The following LTBP2 variants were observed in gnomAD, a reference collection of about 807,000 sequenced individuals.
LTBP2 encodes the protein latent transforming growth factor beta binding protein 2.
Under a neutral mutation model 210.6 loss-of-function variants are expected in LTBP2, and 103 were observed. The ratio of observed to expected loss-of-function variants is 0.49; its 90% CI spans 0.42 to 0.58. The LOEUF (loss-of-function observed/expected upper bound fraction) is 0.58. Ranked by LOEUF, LTBP2 falls within the 20% of genes least tolerant of loss-of-function variation. The pLI is 0.00. For missense variants in LTBP2, 2,313 were observed against 2,494.5 expected (o/e 0.93, Z 1.55); for synonymous variants, 1,007 against 1,015.0 (o/e 0.99, Z 0.15).
At chr14:74,555,433 G>A in intron 4 of LTBP2, 70 bp downstream of exon 4, 3 of 1,537,430 alleles carry the variant, frequency 2.0e-6, no homozygotes, top group Non-Finnish European at 2.7e-6. Flanking sequence ...GAGCAGAGGG[G>A]GAAGCCAAGG....
At chr14:74,588,807 A>G (rs888332129) in intron 2 of LTBP2, among the ~76,000 whole-genome samples, 1 of 152,186 alleles carries the variant, frequency 6.6e-6, no homozygotes, top group Non-Finnish European at 1.5e-5. Flanking sequence ...GCTGAAGCTC[A>G]GAGAGGTTAA....
At position 74,586,847 on chromosome 14, in the gene LTBP2, G is replaced by A. The variant is rs950378279; in HGVS notation, c.566-729C>T. ...GCACGGTGGCCAGAATATAGCTGCCGGCACCACAGCCGCTGCCGGCCAGGT... is the reference window on the plus strand; with the variant it reads ...GCACGGTGGCCAGAATATAGCTGCCAGCACCACAGCCGCTGCCGGCCAGGT... On this transcript the variant is annotated intron_variant, in intron 2 of 35. Coordinates refer to ENST00000261978, the MANE Select transcript of LTBP2 (RefSeq NM_000428.3). This position sits in a 1 kb window ranked among gnomAD's most constrained non-coding sequence, Gnocchi z 4.6. Among the ~76,000 whole-genome samples the A allele has an allele frequency of 6.6e-6, 1 of 152,148 alleles. No homozygotes were observed. Among genetic ancestry groups the A allele is most frequent in the African/African-American group, 2.4e-5 (1 of 41,434 alleles).
chr14:74,503,868 G>C, intron 31 of LTBP2, 58 bp downstream of exon 31: 4 of 1,608,042 alleles, frequency 2.5e-6, no homozygotes, highest in Non-Finnish European at 3.4e-6. Flanking sequence ...CAGGGGCTGG[G>C]TGGGCCATTA....
chr14:74,520,573 C>T (rs555093716), intron 17 of LTBP2, among the ~76,000 whole-genome samples: 18 of 152,198 alleles, frequency 1.2e-4, no homozygotes, highest in African/African-American at 3.9e-4. Context: ...GAGGCCGAGG[C>T]GGGTGGATCA....
intron 14 of LTBP2, among the ~76,000 whole-genome samples, chr14:74,525,618 T>C (rs1226441561): frequency 1.3e-5 from 2 of 152,240 alleles, no homozygotes; most frequent in African/African-American, 2.4e-5. Context: ...CTTATTTGCT[T>C]TGAGAGTCTG....
intron 3 of LTBP2, among the ~76,000 whole-genome samples, chr14:74,578,492 C>T (rs2088091183): frequency 6.6e-6 from 1 of 152,142 alleles, no homozygotes; most frequent in South Asian, 2.1e-4. Flanking sequence ...CCCCCTGCCC[C>T]GGGCTCCCCT....
At chr14:74,528,093 C>A (rs548588909) in intron 12 of LTBP2, among the ~76,000 whole-genome samples, 1 of 152,322 alleles carries the variant, frequency 6.6e-6, no homozygotes, top group South Asian at 2.1e-4. Context: ...GACTCCAAGG[C>A]CGGGCCAGGG....
chr14:74,576,583 G>A (rs1452930854), intron 3 of LTBP2, among the ~76,000 whole-genome samples: 1 of 151,940 alleles, frequency 6.6e-6, no homozygotes, highest in Non-Finnish European at 1.5e-5. Context: ...TCCTTCTAGG[G>A]AAGAAGCCAG....
At chr14:74,561,478 CTT>C (rs1457700527) in intron 3 of LTBP2, among the ~76,000 whole-genome samples, 1 of 152,046 alleles carries the variant, frequency 6.6e-6, no homozygotes, top group East Asian at 1.9e-4. Context: ...TTAAGAAAAG[CTT>C]TTCTCTCTCT....
chr14:74,500,545 A>T lies in LTBP2; in HGVS notation c.*339T>A. ...GCTGGAAAGGGGTGTCTGCAGTGTGAGGCCATGGGGCCTTGCATGCTCGCA... is the reference window on the plus strand; with the variant it reads ...GCTGGAAAGGGGTGTCTGCAGTGTGTGGCCATGGGGCCTTGCATGCTCGCA... On this transcript the variant is annotated 3_prime_UTR_variant, in exon 36 of 36. Coordinates refer to ENST00000261978, the MANE Select transcript of LTBP2 (RefSeq NM_000428.3). The T allele has an allele frequency of 2.1e-6, 1 of 467,802 alleles. No homozygotes were observed. 29.0% of individuals were successfully genotyped at this position (467,802 alleles called of 1,614,324 possible). A position where few individuals can be genotyped will look rare whatever the true frequency, so the allele number is the denominator to read the frequency against.
At position 74,564,344 on chromosome 14, in the gene LTBP2, TTTATATATATTTATA is replaced by T. The variant is rs1168871844; in HGVS notation, c.831-8666_831-8652del. ...TTATATATATATTTATATATATATA[TTTATATATATTTATA>T]TATATATTTATATATATATATTTAT... On this transcript the variant is annotated intron_variant, in intron 3 of 35. Transcript: ENST00000261978. Among the ~76,000 whole-genome samples the T allele has an allele frequency of 1.3e-3, 12 of 9,192 alleles. 2 individuals carry two copies. The highest frequency in any genetic ancestry group is 8.2e-3 in the East Asian group (3 of 368). The allele number at this position is 9,192 out of a possible 152,430, so 6.0% of individuals were successfully genotyped here. A position where few individuals can be genotyped will look rare whatever the true frequency, so the allele number is the denominator to read the frequency against.
intron 3 of LTBP2, among the ~76,000 whole-genome samples, chr14:74,559,297 C>G (rs917426961): frequency 6.6e-6 from 1 of 152,132 alleles, no homozygotes; most frequent in Non-Finnish European, 1.5e-5. Flanking sequence ...TTTTAACAAC[C>G]GGAGTCCTCT....
rs200116784 is a variant in LTBP2 at position 74,508,618 on chromosome 14, C to G, written c.3638G>C (p.Gly1213Ala). ...TGGCTTCTCACCCTGGCAGCTGGTG[C>G]CCCCCTCTGCGCTGACGAAGCCAGG... is the stretch of plus-strand genomic sequence containing the variant. ...CAPGFVSAEGGTSCQDVDECA... is the reference protein window; with the variant it reads ...CAPGFVSAEGATSCQDVDECA... The change falls in exon 24 of 36, where the codon GGC becomes GCC. Residue 1213 changes from glycine (G) to alanine (A), a missense_variant. Transcript: ENST00000261978. 1 of 1,608,508 alleles carries G rather than the reference C, an allele frequency of 6.2e-7. No homozygotes were observed. Among genetic ancestry groups the G allele is most frequent in the Non-Finnish European group, 8.5e-7 (1 of 1,179,760 alleles).
intron 4 of LTBP2, among the ~76,000 whole-genome samples, chr14:74,553,344 T>C (rs2087685830): frequency 6.6e-6 from 1 of 152,178 alleles, no homozygotes; most frequent in Non-Finnish European, 1.5e-5. Context: ...TAGGTTCCTA[T>C]GGCTGAGTGT....
chr14:74,601,724 C>A (rs77283766), intron 2 of LTBP2, among the ~76,000 whole-genome samples: 4 of 152,198 alleles, frequency 2.6e-5, no homozygotes, highest in Admixed American at 2.6e-4. Context: ...CATCGCATCC[C>A]ATCAAGTGGG....
At chr14:74,550,872 C>G (rs892972504) in intron 7 of LTBP2, among the ~76,000 whole-genome samples, 192 bp downstream of exon 7, 3 of 152,222 alleles carry the variant, frequency 2.0e-5, no homozygotes, top group African/African-American at 7.2e-5. Context: ...CCAAGTAGAG[C>G]CCAGGAAGGA....
chr14:74,534,281 T>A (rs918172003), intron 9 of LTBP2, among the ~76,000 whole-genome samples: 1 of 152,174 alleles, frequency 6.6e-6, no homozygotes, highest in African/African-American at 2.4e-5. Context: ...GCCCTCTACC[T>A]TTCCCCAAAG....
chr14:74,529,053 G>A lies in LTBP2; in HGVS notation c.2057C>T (p.Pro686Leu), dbSNP rs1420868727. The change falls in exon 11 of 36, where the codon CCT becomes CTT. Residue 686 changes from proline to leucine, a missense_variant. Around this residue, in one of 3 missense-constraint regions of LTBP2, gnomAD observed 1,867 missense variants for 1,976.9 expected, o/e 0.94. Transcript: ENST00000261978. ...CTGCTTGGTGATCCGCTGGGCCAAAGGCAGGGTGCAGGTGCCGGGCCCCAG... is the reference window on the plus strand; with the variant it reads ...CTGCTTGGTGATCCGCTGGGCCAAAAGCAGGGTGCAGGTGCCGGGCCCCAG... ...RSLGPGTCTL[P>L]LAQRITKQIC... is the part of the protein sequence containing the mutation. 6.4e-7 allele frequency: 1 copy of A among 1,570,734 alleles called. No individual in the cohort carries two copies. The highest frequency in any genetic ancestry group is 1.2e-5 in the South Asian group (1 of 85,810).
At chr14:74,559,253 AC>A (rs2087763984) in intron 3 of LTBP2, among the ~76,000 whole-genome samples, 1 of 152,170 alleles carries the variant, frequency 6.6e-6, no homozygotes. Flanking sequence ...TTATATATAC[AC>A]AGGGCCAAGT....
Sources: gnomAD v4.1 joint callset for allele counts (sites outside exome capture counted in the v4.1 genomes callset) on GRCh38, gnomAD v4.1.1 for gene constraint, gnomAD v4.1.1 regional missense constraint, Gnocchi (gnomAD v3.1) non-coding constraint, MANE v1.5 for transcripts, NCBI Gene and HGNC (gene_info 2026-07-23, HGNC 2026-07-21) for gene names.